Variants in RBFOX1 observed in about 807,000 individuals in gnomAD.
RBFOX1 encodes the protein RNA binding protein fox-1 homolog 1.
RBFOX1 carries 8 observed loss-of-function variants against 57.7 expected under a neutral mutation model. The observed-to-expected ratio is 0.14, with a 90% CI of 0.08 to 0.25. RBFOX1 has a LOEUF of 0.25. Among genes scored for constraint, RBFOX1 ranks in the 10% least tolerant of loss-of-function variants. RBFOX1 has a pLI of 1.00. For missense variants in RBFOX1, 611 were observed against 548.5 expected (o/e 1.11, Z -1.14); for synonymous variants, 326 against 222.4 (o/e 1.47, Z -4.15).
intron 2 of RBFOX1, among the ~76,000 whole-genome samples, chr16:6,531,419 C>A (rs142201926): frequency 6.6e-6 from 1 of 152,144 alleles, no homozygotes; most frequent in Non-Finnish European, 1.5e-5. Flanking sequence ...ACATCTTACT[C>A]GTTGCTAGAT....
chr16:7,079,572 C>G (rs1191449870), intron 4 of RBFOX1, among the ~76,000 whole-genome samples: 1 of 152,286 alleles, frequency 6.6e-6, no homozygotes, highest in African/African-American at 2.4e-5. Context: ...CTGTTTCTCT[C>G]CCTCTGTATA....
rs139937209 is a variant in RBFOX1, at chr16:7,103,988, T to C, written c.27+51890T>C. Among the ~76,000 whole-genome samples the C allele has an allele frequency of 2.2e-3, 336 of 152,284 alleles. 1 individual carries two copies. The highest frequency in any genetic ancestry group is 7.4e-3 in the African/African-American group (308 of 41,572). ...GGTTTACACAACTTGCTCCCTATTA[T>C]TAACAACAAGAGTAAAATAGAATTT... On this transcript the variant is annotated intron_variant, in intron 4 of 15. Coordinates refer to ENST00000550418, the MANE Select transcript of RBFOX1 (RefSeq NM_018723.4).
intron 3 of RBFOX1, among the ~76,000 whole-genome samples, chr16:7,005,336 C>G (rs13338838): frequency 0.07 from 10,580 of 152,058 alleles, 668 homozygotes; most frequent in East Asian, 0.19. Context: ...TTCTTGCTTG[C>G]TTTGGGGGAG....
intron 4 of RBFOX1, among the ~76,000 whole-genome samples, chr16:7,186,894 A>G (rs989040262): frequency 1.9e-4 from 28 of 150,590 alleles, no homozygotes; most frequent in Admixed American, 6.7e-4. Context: ...ACAGTGGCTC[A>G]CACTTGTAAT....
intron 4 of RBFOX1, among the ~76,000 whole-genome samples, chr16:7,218,405 T>C (rs545007134): frequency 1.1e-4 from 17 of 152,146 alleles, no homozygotes; most frequent in South Asian, 4.1e-4. Flanking sequence ...GAGGTGAAGA[T>C]AGAGATGGTG....
chr16:7,418,844 G>T (rs1211777160), intron 4 of RBFOX1, among the ~76,000 whole-genome samples: 1 of 151,364 alleles, frequency 6.6e-6, no homozygotes, highest in South Asian at 2.1e-4. Context: ...TCCTCTAAAG[G>T]AAGGCATTGA....
At chr16:5,559,113 G>T (rs1013521992) in intron 2 of RBFOX1, among the ~76,000 whole-genome samples, 1 of 136,082 alleles carries the variant, frequency 7.3e-6, no homozygotes. Context: ...TTTTTGTCTT[G>T]CTCCTCCATA....
chr16:6,106,431 A>G (rs980733391), intron 1 of RBFOX1, among the ~76,000 whole-genome samples: 1 of 136,794 alleles, frequency 7.3e-6, no homozygotes. Context: ...GTGCCACTGT[A>G]CTCCAGCCTG....
chr16:5,626,947 G>A (rs1396527125), intron 3 of RBFOX1, among the ~76,000 whole-genome samples: 1 of 152,088 alleles, frequency 6.6e-6, no homozygotes, highest in Non-Finnish European at 1.5e-5. Context: ...GGGATTGAAA[G>A]CCCCAGTCAG....
At chr16:7,374,348 A>G (rs2097644536) in intron 4 of RBFOX1, among the ~76,000 whole-genome samples, 1 of 152,164 alleles carries the variant, frequency 6.6e-6, no homozygotes, top group Non-Finnish European at 1.5e-5. Context: ...CACTAAATAA[A>G]TATTCCTGTC....
chr16:5,828,011 A>T (rs1278127918), intron 3 of RBFOX1, among the ~76,000 whole-genome samples: 2 of 144,626 alleles, frequency 1.4e-5, no homozygotes, highest in Non-Finnish European at 3.0e-5. Flanking sequence ...TCCATCCATC[A>T]TCTATCTAGT....
intron 6 of RBFOX1, among the ~76,000 whole-genome samples, chr16:7,582,542 A>C (rs964807727): frequency 3.3e-5 from 5 of 152,194 alleles, no homozygotes. Context: ...TATAGGATAC[A>C]TTTAGTGGCA....
intron 1 of RBFOX1, among the ~76,000 whole-genome samples, chr16:5,384,917 A>G (rs931061211): frequency 1.3e-5 from 2 of 152,182 alleles, no homozygotes; most frequent in African/African-American, 4.8e-5. Flanking sequence ...AGCACCCAGA[A>G]CGGTGCCTGG....
At chr16:5,748,862 C>T (rs1221548467) in intron 3 of RBFOX1, among the ~76,000 whole-genome samples, 1 of 152,120 alleles carries the variant, frequency 6.6e-6, no homozygotes, top group African/African-American at 2.4e-5. Flanking sequence ...AGCATTTAGC[C>T]CATTGACATT....
rs140329473 is a variant in RBFOX1, at chr16:7,431,087, TAAC to T, written c.28-87053_28-87051del. 1.7e-3 allele frequency: 258 copies of T among 152,336 alleles called. 1 individual carries two copies. Among genetic ancestry groups the T allele is most frequent in the African/African-American group, 6.1e-3 (252 of 41,570 alleles). The allele number at this position is 152,336 out of a possible 1,614,324, so 9.4% of individuals were successfully genotyped here. ...GGCACAGGCAGCACCAGCTTTTCCA[TAAC>T]AACAACCTCAAACCCAAACTGACTA... On this transcript the variant is annotated intron_variant, in intron 4 of 15. Transcript: ENST00000550418.
At chr16:7,046,781 T>G (rs181806241) in intron 3 of RBFOX1, among the ~76,000 whole-genome samples, 5 of 152,042 alleles carry the variant, frequency 3.3e-5, no homozygotes, top group Admixed American at 3.3e-4. Flanking sequence ...AATTTTTGTA[T>G]TTTTAATAGA....
At chr16:6,873,152 T>C (rs915146205) in intron 3 of RBFOX1, among the ~76,000 whole-genome samples, 2 of 151,552 alleles carry the variant, frequency 1.3e-5, no homozygotes, top group African/African-American at 4.8e-5. Context: ...AAAAGCTCTA[T>C]AGCAGACTTT....
chr16:5,880,583 G>T (rs1282792843), intron 4 of RBFOX1, among the ~76,000 whole-genome samples: 3 of 152,172 alleles, frequency 2.0e-5, no homozygotes, highest in African/African-American at 7.2e-5. Context: ...GGGTCTAGGA[G>T]GCTAAAGACC....
At chr16:6,145,677 G>A (rs78927422) in intron 1 of RBFOX1, among the ~76,000 whole-genome samples, 1 of 151,928 alleles carries the variant, frequency 6.6e-6, no homozygotes, top group Non-Finnish European at 1.5e-5. Flanking sequence ...GGAGTCTCTT[G>A]TACCTTACCT....
Sources: allele counts gnomAD v4.1 joint callset (sites outside exome capture counted in the v4.1 genomes callset), GRCh38; gene constraint gnomAD v4.1.1; transcripts MANE v1.5; gene names NCBI Gene and HGNC (gene_info 2026-07-23, HGNC 2026-07-21).